Variants in SHPRH observed in about 807,000 individuals in gnomAD.
The protein encoded by SHPRH is SNF2 histone linker PHD RING helicase, also known as E3 ubiquitin-protein ligase SHPRH.
A neutral mutation model predicts 202.5 loss-of-function variants in SHPRH; 106 were observed. That is an observed-to-expected ratio of 0.52 (90% CI 0.45 to 0.62). The LOEUF (loss-of-function observed/expected upper bound fraction) is 0.62. SHPRH is among the 20% of genes least tolerant of loss of function. SHPRH has a pLI of 0.00. For missense variants in SHPRH, 1,710 were observed against 2,020.0 expected (o/e 0.85, Z 2.94); for synonymous variants, 729 against 686.0 (o/e 1.06, Z -0.98).
chr6:145,943,772 C>T lies in SHPRH; in HGVS notation c.1609G>A (p.Glu537Lys). ...TCCTTGTTCCCTGATTTTCTAGTTT[C>T]TTTCTGAATTTTCCTTGGACTCCCT... ...AVGSPRKIQK[E>K]TRKSGNKDTD... The change falls in exon 9 of 30, where the codon GAA becomes AAA. Residue 537 changes from glutamate to lysine, a missense_variant. Around this residue, in one of 8 missense-constraint regions of SHPRH, gnomAD observed 348 missense variants for 356.9 expected, o/e 0.97. Coordinates refer to ENST00000275233, the MANE Select transcript of SHPRH (RefSeq NM_001042683.3). The T allele has an allele frequency of 6.3e-7, 1 of 1,588,170 alleles. No homozygotes were observed. Among genetic ancestry groups the T allele is most frequent in the South Asian group, 1.2e-5 (1 of 85,430 alleles).
chr6:145,905,494 C>T (rs1782882002), intron 25 of SHPRH: 1 of 152,036 alleles, frequency 6.6e-6, no homozygotes, highest in African/African-American at 2.4e-5. Flanking sequence ...CCTGTGGATA[C>T]CAAAATCCCA....
downstream of SHPRH, among the ~76,000 whole-genome samples, chr6:145,860,485 A>G (rs1248571660): frequency 6.6e-6 from 1 of 152,074 alleles, no homozygotes; most frequent in African/African-American, 2.4e-5. Flanking sequence ...AACATTGATG[A>G]AATAAAATTT....
At chr6:145,916,096 T>A (rs1167888341) in intron 23 of SHPRH, among the ~76,000 whole-genome samples, 2 of 152,146 alleles carry the variant, frequency 1.3e-5, no homozygotes, top group African/African-American at 4.8e-5. Context: ...CTTGAGTTCA[T>A]GAATCCCATC....
At chr6:145,896,308 A>T (rs1012719115) in intron 25 of SHPRH, among the ~76,000 whole-genome samples, 9 of 152,042 alleles carry the variant, frequency 5.9e-5, no homozygotes, top group African/African-American at 2.2e-4. Context: ...AGAAAATAGG[A>T]AATTAGTGTA....
chr6:145,926,507 T>TCC (rs1784893861), intron 15 of SHPRH, among the ~76,000 whole-genome samples: 1 of 151,926 alleles, frequency 6.6e-6, no homozygotes, highest in African/African-American at 2.4e-5. Context: ...GTAACCCTTA[T>TCC]CCATGCAGAA....
downstream of SHPRH, among the ~76,000 whole-genome samples, chr6:145,863,167 T>C (rs1308137920): frequency 6.6e-6 from 1 of 152,174 alleles, no homozygotes; most frequent in African/African-American, 2.4e-5. Context: ...AGATCAATTA[T>C]ATATCTCATT....
At chr6:145,919,562 G>A in intron 21 of SHPRH, 71 bp from the exon 22 acceptor site, 7 of 1,537,604 alleles carry the variant, frequency 4.6e-6, no homozygotes, top group South Asian at 1.2e-5. Context: ...ACCAAGATGT[G>A]CCTTAAGCAA....
At chr6:145,930,316 T>A (rs549752540) in intron 14 of SHPRH, among the ~76,000 whole-genome samples, 61 of 152,272 alleles carry the variant, frequency 4.0e-4, no homozygotes, top group Non-Finnish European at 7.4e-4. Flanking sequence ...GCTCTTTTTT[T>A]TTAAATTTCT....
Position 145,885,559 on chromosome 6 carries a change from T to C in SHPRH, c.*1132A>G, listed in dbSNP as rs1780928315. The stretch of plus-strand genomic sequence containing the variant: ...AAGAAAAGGAAGCCAAATAAGAACA[T>C]TTGTATTACATCAAATGGCTAGGAT... On this transcript the variant is annotated 3_prime_UTR_variant, in exon 30 of 30. Coordinates refer to ENST00000275233, the MANE Select transcript of SHPRH (RefSeq NM_001042683.3). 1 of 152,154 alleles carries C rather than the reference T, an allele frequency of 6.6e-6. No homozygotes were observed. Among genetic ancestry groups the C allele is most frequent in the Non-Finnish European group, 1.5e-5 (1 of 68,008 alleles). 9.4% of individuals were successfully genotyped at this position (152,154 alleles called of 1,614,324 possible).
At chr6:145,963,379 G>A (rs181679369) in intron 1 of SHPRH, among the ~76,000 whole-genome samples, 3 of 152,244 alleles carry the variant, frequency 2.0e-5, no homozygotes, top group East Asian at 1.9e-4. Context: ...AGTACAAGTT[G>A]GAAGGCATCA....
At chr6:145,953,508 T>C (rs1292130971) in intron 2 of SHPRH, among the ~76,000 whole-genome samples, 4 of 152,094 alleles carry the variant, frequency 2.6e-5, no homozygotes, top group Admixed American at 6.6e-5. Context: ...TTTGATTACA[T>C]AGTTTCACTG....
intron 27 of SHPRH, among the ~76,000 whole-genome samples, chr6:145,893,773 G>A (rs141189095): frequency 6.8e-4 from 104 of 152,124 alleles, no homozygotes; most frequent in Middle Eastern, 3.4e-3. Flanking sequence ...GAGGTCATAC[G>A]CCTGTCACTG....
At chr6:145,874,504 T>C (rs1780212643) in intron 2 of SHPRH, among the ~76,000 whole-genome samples, 3 of 152,150 alleles carry the variant, frequency 2.0e-5, no homozygotes, top group Non-Finnish European at 4.4e-5. Context: ...ATAATTGACA[T>C]ACAAAAATTG....
rs750028249 is a variant in SHPRH at position 145,946,302 on chromosome 6, C to T, written c.1252G>A (p.Gly418Arg). Residue 418 changes from glycine (G) to arginine (R), a missense_variant, in exon 7 of 30, where the codon GGA becomes AGA. Gly to Arg is a moderately radical substitution (Grantham distance 125). Around this residue, in one of 8 missense-constraint regions of SHPRH, gnomAD observed 348 missense variants for 356.9 expected, o/e 0.97. Coordinates refer to ENST00000275233, the MANE Select transcript of SHPRH (RefSeq NM_001042683.3). Reference protein sequence around the residue: ...VNYFIPSHYFGGKLKKTEIQN... With the variant: ...VNYFIPSHYFRGKLKKTEIQN... The stretch of plus-strand genomic sequence containing the variant: ...ATTTCTGTCTTTTTCAGTTTTCCTC[C>T]AAAATAATGTGACGGAATAAAATAA... The T allele has an allele frequency of 6.2e-7, 1 of 1,607,258 alleles. No homozygotes were observed. The highest frequency in any genetic ancestry group is 8.5e-7 in the Non-Finnish European group (1 of 1,176,588).
chr6:145,934,894 T>C lies in SHPRH; in HGVS notation c.2990+13A>G, dbSNP rs776870979. On this transcript the variant is annotated intron_variant, in intron 13 of 29. Transcript: ENST00000275233. Reference sequence around the variant, plus strand: ...TATACCAACTGCAATTAAAAAAAAGTTGATAATAAAACCTTTTTTGGAGTG... The same window carrying C: ...TATACCAACTGCAATTAAAAAAAAGCTGATAATAAAACCTTTTTTGGAGTG... 1.3e-6 allele frequency: 2 copies of C among 1,580,062 alleles called. No homozygotes were observed. Among genetic ancestry groups the C allele is most frequent in the African/African-American group, 2.7e-5 (2 of 73,642 alleles).
chr6:145,905,141 G>A (rs1164173478), intron 25 of SHPRH: 1 of 152,144 alleles, frequency 6.6e-6, no homozygotes, highest in Non-Finnish European at 1.5e-5. Flanking sequence ...GTACTGTGAT[G>A]CATGCTGTCA....
intron 29 of SHPRH, among the ~76,000 whole-genome samples, chr6:145,887,468 C>A (rs1781140596): frequency 6.6e-6 from 1 of 151,564 alleles, no homozygotes; most frequent in Non-Finnish European, 1.5e-5. Flanking sequence ...AAAATTAAGA[C>A]TGGTTTAGTC....
At chr6:145,922,914 G>T in intron 18 of SHPRH, 78 bp from the exon 19 acceptor site, 7 of 1,410,098 alleles carry the variant, frequency 5.0e-6, no homozygotes, top group Non-Finnish European at 4.7e-6. Context: ...GAGAATGGTT[G>T]CCAAACAAAG....
intron 25 of SHPRH, chr6:145,903,348 A>G (rs930888311): frequency 6.6e-6 from 1 of 152,032 alleles, no homozygotes; most frequent in African/African-American, 2.4e-5. Context: ...CAAATAAAAA[A>G]AAAACAGAAT....
Sources: allele counts gnomAD v4.1 joint callset (sites outside exome capture counted in the v4.1 genomes callset), GRCh38; gene constraint gnomAD v4.1.1; regional missense constraint gnomAD v4.1.1; transcripts MANE v1.5; gene names NCBI Gene and HGNC (gene_info 2026-07-23, HGNC 2026-07-21).